Variants in PPP3R1 observed in about 807,000 individuals in gnomAD.
PPP3R1 encodes the protein protein phosphatase 3 regulatory subunit B, alpha.
A neutral mutation model predicts 22.6 loss-of-function variants in PPP3R1; 5 were observed. That is an observed-to-expected ratio of 0.22 (90% CI 0.12 to 0.46). The LOEUF (loss-of-function observed/expected upper bound fraction) is 0.46. PPP3R1 is among the 20% of genes least tolerant of loss of function. The pLI is 0.99. For synonymous variants in PPP3R1, 56 were observed against 65.2 expected, an observed-to-expected ratio of 0.86 and a Z score of 0.68; for missense variants, 61 against 203.2, an observed-to-expected ratio of 0.30 and a Z score of 4.25.
chr2:68,225,705 G>A (rs1005501341), intron 1 of PPP3R1, among the ~76,000 whole-genome samples: 5 of 152,096 alleles, frequency 3.3e-5, no homozygotes, highest in African/African-American at 7.2e-5. Context: ...TAGTGTATGC[G>A]GCTAAAAATA....
At chr2:68,236,567 A>C (rs556425649) in intron 1 of PPP3R1, among the ~76,000 whole-genome samples, 1 of 152,136 alleles carries the variant, frequency 6.6e-6, no homozygotes, top group Admixed American at 6.5e-5. Flanking sequence ...TGGTGAGGAG[A>C]ATGACAACAT....
chr2:68,252,117 G>T lies in PPP3R1; in HGVS notation c.3+8C>A. The T allele has an allele frequency of 7.0e-7, 1 of 1,438,288 alleles. No homozygotes were observed. Among genetic ancestry groups the T allele is most frequent in the Admixed American group, 2.0e-5 (1 of 50,254 alleles). 89.1% of individuals were successfully genotyped at this position (1,438,288 alleles called of 1,614,324 possible). On this transcript the variant is annotated splice_region_variant and intron_variant, in intron 1 of 5. Coordinates refer to ENST00000234310, the MANE Select transcript of PPP3R1 (RefSeq NM_000945.4). Reference sequence around the variant, plus strand: ...AGGGATGGTGCATCGAGGAAGCCAAGGTCTCACCATTTTGCTCGGCGGGTC... The same window carrying T: ...AGGGATGGTGCATCGAGGAAGCCAATGTCTCACCATTTTGCTCGGCGGGTC...
intron 1 of PPP3R1, among the ~76,000 whole-genome samples, chr2:68,245,444 C>T (rs1670217523): frequency 6.6e-6 from 1 of 152,200 alleles, no homozygotes; most frequent in Non-Finnish European, 1.5e-5. Flanking sequence ...TGTCTCAAGC[C>T]TATCAAATTA....
At chr2:68,193,726 C>A (rs1674713387) in intron 2 of PPP3R1, among the ~76,000 whole-genome samples, 1 of 152,092 alleles carries the variant, frequency 6.6e-6, no homozygotes, top group South Asian at 2.1e-4. Context: ...AGTTTTAATT[C>A]TTGAAATATC....
chr2:68,183,966 G>GT (rs983319028), intron 5 of PPP3R1, among the ~76,000 whole-genome samples: 20 of 152,326 alleles, frequency 1.3e-4, no homozygotes, highest in African/African-American at 4.3e-4. Flanking sequence ...CCTAGACAGT[G>GT]TAAGTCCAGC....
At chr2:68,196,595 T>C (rs1046311769) in intron 2 of PPP3R1, among the ~76,000 whole-genome samples, 13 of 152,208 alleles carry the variant, frequency 8.5e-5, no homozygotes, top group African/African-American at 3.1e-4. Context: ...AATATAATCT[T>C]AGACTGCAAA....
At chr2:68,198,187 T>C (rs1205682847) in intron 2 of PPP3R1, among the ~76,000 whole-genome samples, 2 of 136,904 alleles carry the variant, frequency 1.5e-5, no homozygotes, top group East Asian at 4.1e-4. Flanking sequence ...GTATATATAA[T>C]ATATATTTAC....
intron 1 of PPP3R1, among the ~76,000 whole-genome samples, chr2:68,249,895 A>C (rs1337291637): frequency 6.6e-6 from 1 of 152,216 alleles, no homozygotes; most frequent in Non-Finnish European, 1.5e-5. Flanking sequence ...AAATAATAAG[A>C]GTTCTAAGAG....
chr2:68,234,496 G>A (rs1445684906), intron 1 of PPP3R1, among the ~76,000 whole-genome samples: 3 of 152,192 alleles, frequency 2.0e-5, no homozygotes, highest in Non-Finnish European at 4.4e-5. Context: ...AGAGGAGCAA[G>A]AAGTTATTAC....
chr2:68,202,503 C>A (rs921380399), intron 2 of PPP3R1, among the ~76,000 whole-genome samples: 3 of 152,070 alleles, frequency 2.0e-5, no homozygotes, highest in Admixed American at 6.6e-5. Flanking sequence ...CGGCTCACTG[C>A]AACCTCTGCC....
In PPP3R1 at chr2:68,234,890, G is replaced by A. The variant is rs78851003; in HGVS notation, c.3+17235C>T. Among the ~76,000 whole-genome samples the A allele has an allele frequency of 5.1e-4, 77 of 152,226 alleles. 1 individual carries two copies. In the East Asian group the frequency reaches 0.011, roughly 21 times the overall value. ...CTAGCAATGGGACAGTTCAGATAAT[G>A]ATAAGATACCATATTGACTATGGCC... On this transcript the variant is annotated intron_variant, in intron 1 of 5. Transcript: ENST00000234310.
At chr2:68,230,015 T>C (rs990073654) in intron 1 of PPP3R1, among the ~76,000 whole-genome samples, 53 of 111,124 alleles carry the variant, frequency 4.8e-4, no homozygotes, top group Non-Finnish European at 7.0e-4. Flanking sequence ...CACACACATA[T>C]ATATTTGGAG....
intron 1 of PPP3R1, among the ~76,000 whole-genome samples, chr2:68,233,693 C>A (rs1669963107): frequency 6.6e-6 from 1 of 151,732 alleles, no homozygotes; most frequent in South Asian, 2.1e-4. Flanking sequence ...TTCTGGTTTT[C>A]TTCTAACCAT....
At chr2:68,234,395 T>C (rs1669977107) in intron 1 of PPP3R1, among the ~76,000 whole-genome samples, 1 of 151,478 alleles carries the variant, frequency 6.6e-6, no homozygotes, top group Non-Finnish European at 1.5e-5. Flanking sequence ...AGCTGGGTAG[T>C]GGTAGAGACC....
intron 5 of PPP3R1, among the ~76,000 whole-genome samples, chr2:68,185,194 G>A (rs1239093951): frequency 1.3e-5 from 2 of 149,972 alleles, no homozygotes; most frequent in African/African-American, 2.5e-5. Context: ...ACTCCAGCCT[G>A]GTGACAGAGT....
At chr2:68,196,407 A>G (rs1291867445) in intron 2 of PPP3R1, among the ~76,000 whole-genome samples, 1 of 152,206 alleles carries the variant, frequency 6.6e-6, no homozygotes, top group African/African-American at 2.4e-5. Context: ...TGGAAGTTTA[A>G]TATTTATATT....
At position 68,188,694 on chromosome 2, in the gene PPP3R1, A is replaced by C; in HGVS notation, c.44-4T>G. On this transcript the variant is annotated splice_region_variant and splice_polypyrimidine_tract_variant and intron_variant, in intron 2 of 5. Transcript: ENST00000234310. ...CTTTTAATTTCATCCGCATCAACTAAAAGCAAACAAAAAAGGAAGCAAGAA... is the reference window on the plus strand; with the variant it reads ...CTTTTAATTTCATCCGCATCAACTACAAGCAAACAAAAAAGGAAGCAAGAA... The C allele has an allele frequency of 6.3e-7, 1 of 1,576,566 alleles. No homozygotes were observed. The highest frequency in any genetic ancestry group is 1.2e-5 in the South Asian group (1 of 84,660).
chr2:68,236,794 G>C (rs1375455344), intron 1 of PPP3R1, among the ~76,000 whole-genome samples: 1 of 152,156 alleles, frequency 6.6e-6, no homozygotes, highest in Non-Finnish European at 1.5e-5. Flanking sequence ...CCAGAGTAAG[G>C]AATGTGGCCT....
chr2:68,221,470 C>A (rs979119740), intron 1 of PPP3R1, among the ~76,000 whole-genome samples: 10 of 152,148 alleles, frequency 6.6e-5, no homozygotes, highest in African/African-American at 2.4e-4. Context: ...TGCACTCCAG[C>A]CTGGGCAACC....
Sources: gnomAD v4.1 joint callset for allele counts (sites outside exome capture counted in the v4.1 genomes callset) on GRCh38, gnomAD v4.1.1 for gene constraint, MANE v1.5 for transcripts, NCBI Gene and HGNC (gene_info 2026-07-23, HGNC 2026-07-21) for gene names.